GFOD2: variants seen among roughly 807,000 people sequenced by gnomAD.
GFOD2 encodes the protein Gfo/Idh/MocA-like oxidoreductase domain containing 2, also known as glucose-fructose oxidoreductase domain-containing protein 2.
Under a neutral mutation model 24.6 loss-of-function variants are expected in GFOD2, and 9 were observed. The ratio of observed to expected loss-of-function variants is 0.37; its 90% CI spans 0.22 to 0.64. GFOD2 has a LOEUF of 0.64. Among genes scored for constraint, GFOD2 ranks in the 30% least tolerant of loss-of-function variants. The pLI is 0.65. For synonymous variants in GFOD2, 211 were observed against 224.8 expected (o/e 0.94, Z 0.55); for missense variants, 476 against 532.5 (o/e 0.89, Z 1.04).
chr16:67,701,019 A>C (rs978540709), intron 1 of GFOD2, among the ~76,000 whole-genome samples: 2 of 150,164 alleles, frequency 1.3e-5, no homozygotes, highest in Non-Finnish European at 3.0e-5. Context: ...CCTGGGTGAC[A>C]GAGTGAGACT....
intron 2 of GFOD2, chr16:67,676,309 T>G (rs546099137): frequency 1.2e-4 from 55 of 456,826 alleles, no homozygotes; most frequent in Admixed American, 9.4e-4. Flanking sequence ...AAATTTTTTT[T>G]TTGTAGAGAT....
In GFOD2 at chr16:67,705,940, TA is replaced by T. The variant is rs1290789511; in HGVS notation, c.-88+13222del. Among the ~76,000 whole-genome samples the T allele has an allele frequency of 3.4e-3, 471 of 137,564 alleles. 3 individuals carry two copies. The highest frequency in any genetic ancestry group is 9.8e-3 in the African/African-American group (370 of 37,934). The allele number at this position is 137,564 out of a possible 152,430, so 90.2% of individuals were successfully genotyped here. ...GGGCAACAGAGTGAAACTCTATCTT[TA>T]AAAAAAAAAAAGTGCCTGTTATGGT... On this transcript the variant is annotated intron_variant, in intron 1 of 2. Transcript: ENST00000268797.
chr16:67,675,328 G>T lies in GFOD2; in HGVS notation c.985C>A (p.Arg329Ser), dbSNP rs757119145. 3 of 1,613,186 alleles carry T rather than the reference G, an allele frequency of 1.9e-6. No homozygotes were observed. ...QGQGDRRTWD[R>S]TPVSMAASFE... ...GAGGCGGCCATGGAGACAGGGGTGC[G>T]GTCCCAGGTGCGGCGGTCGCCCTGC... The change falls in exon 3 of 3, where the codon CGC (arginine) becomes AGC (serine). Residue 329 changes from arginine (R) to serine (S), a missense_variant. Arg to Ser is a moderately radical substitution (Grantham distance 110). Coordinates refer to ENST00000268797, the MANE Select transcript of GFOD2 (RefSeq NM_030819.4).
At chr16:67,712,349 G>A (rs1257490216) in intron 1 of GFOD2, among the ~76,000 whole-genome samples, 1 of 122,202 alleles carries the variant, frequency 8.2e-6, no homozygotes, top group Non-Finnish European at 1.7e-5. Context: ...AAGGCTGGAC[G>A]GTACTGCTGC....
chr16:67,715,848 A>C (rs1180461470), intron 1 of GFOD2, among the ~76,000 whole-genome samples: 1 of 151,892 alleles, frequency 6.6e-6, no homozygotes, highest in Non-Finnish European at 1.5e-5. Flanking sequence ...AAAAAAAAAA[A>C]ACTTGTTTTA....
intron 1 of GFOD2, among the ~76,000 whole-genome samples, chr16:67,695,803 T>A (rs1400403592): frequency 6.6e-6 from 1 of 152,156 alleles, no homozygotes; most frequent in Non-Finnish European, 1.5e-5. Flanking sequence ...CCCAAAGTGC[T>A]AAGATTACAG....
intron 1 of GFOD2, among the ~76,000 whole-genome samples, chr16:67,699,981 G>A (rs909798731): frequency 1.1e-4 from 16 of 152,060 alleles, no homozygotes; most frequent in Non-Finnish European, 2.2e-4. Context: ...AGGCTCAGGA[G>A]GGAGGAACAC....
intron 2 of GFOD2, among the ~76,000 whole-genome samples, chr16:67,678,532 G>C (rs568001965): frequency 6.6e-6 from 1 of 152,004 alleles, no homozygotes; most frequent in African/African-American, 2.4e-5. Context: ...CCACATGATG[G>C]ATGGGCCCCA....
Position 67,675,646 on chromosome 16 carries a change from A to G in GFOD2, c.667T>C (p.Cys223Arg). ...CCACCCATGAGCATCTGGAAGAAAC[A>G]GAAGTCATCGCTAGTGACGTGCCGG... ...GIRHVTSDDF[C>R]FFQMLMGGGV... Residue 223 changes from cysteine to arginine, a missense_variant, in exon 3 of 3, where the codon TGT (cysteine) becomes CGT (arginine). Transcript: ENST00000268797. 6.2e-7 allele frequency: 1 copy of G among 1,613,368 alleles called. No homozygotes were observed. Among genetic ancestry groups the G allele is most frequent in the African/African-American group, 1.3e-5 (1 of 75,070 alleles).
chr16:67,679,900 C>A (rs987467904), intron 2 of GFOD2, among the ~76,000 whole-genome samples: 34 of 149,198 alleles, frequency 2.3e-4, no homozygotes, highest in Middle Eastern at 3.5e-3. Flanking sequence ...AAAAAAAAAA[C>A]AACAACAACA....
intron 1 of GFOD2, among the ~76,000 whole-genome samples, chr16:67,714,219 A>G (rs1005373740): frequency 3.4e-5 from 5 of 148,562 alleles, no homozygotes; most frequent in Non-Finnish European, 5.9e-5. Flanking sequence ...GTCACTCCCA[A>G]CTGTAATCCC....
intron 1 of GFOD2, among the ~76,000 whole-genome samples, chr16:67,698,988 T>C (rs1388281431): frequency 6.6e-6 from 1 of 152,118 alleles, no homozygotes; most frequent in South Asian, 2.1e-4. Flanking sequence ...AACTGAACTA[T>C]AGACCAATAC....
chr16:67,686,846 GA>G (rs2053270694), intron 1 of GFOD2, among the ~76,000 whole-genome samples: 2 of 149,318 alleles, frequency 1.3e-5, no homozygotes, highest in South Asian at 2.1e-4. Context: ...AAAAAAGAAA[GA>G]AAGAAAGAAA....
intron 2 of GFOD2, chr16:67,684,037 A>C (rs1276532605): frequency 3.1e-6 from 1 of 318,280 alleles, no homozygotes; most frequent in African/African-American, 2.3e-5. Context: ...AATGTCCAAA[A>C]TGACATCAGG....
intron 1 of GFOD2, among the ~76,000 whole-genome samples, chr16:67,700,893 C>T (rs574112177): frequency 2.1e-4 from 31 of 150,532 alleles, no homozygotes; most frequent in African/African-American, 7.3e-4. Context: ...AAAAATTAGC[C>T]AGGCATGGTG....
intron 1 of GFOD2, among the ~76,000 whole-genome samples, chr16:67,698,488 CT>C (rs2053374946): frequency 6.6e-6 from 1 of 151,224 alleles, no homozygotes; most frequent in African/African-American, 2.4e-5. Context: ...TTTTCTTTTT[CT>C]TTTTCTTTGA....
intron 2 of GFOD2, chr16:67,682,803 G>A (rs1017288438): frequency 2.0e-6 from 2 of 985,246 alleles, no homozygotes; most frequent in African/African-American, 3.5e-5. Flanking sequence ...TAACCAAGAT[G>A]TCATTCCTTA....
In GFOD2 at chr16:67,685,075, T is replaced by C. The variant is rs1017496557; in HGVS notation, c.259+382A>G. 17 of 1,193,520 alleles carry C rather than the reference T, an allele frequency of 1.4e-5. No homozygotes were observed. In the African/African-American group the frequency reaches 2.4e-4, roughly 17 times the overall value. 73.9% of individuals were successfully genotyped at this position (1,193,520 alleles called of 1,614,324 possible). On this transcript the variant is annotated intron_variant, in intron 2 of 2. Transcript: ENST00000268797. Reference sequence around the variant, plus strand: ...GTAGCCTTGCTACACAGCCTCTCCTTCCTGTGGTGCTGTGTGCCCCAGAAA... The same window carrying C: ...GTAGCCTTGCTACACAGCCTCTCCTCCCTGTGGTGCTGTGTGCCCCAGAAA...
chr16:67,719,014 AGTTGGAACAAGCCCCCTCCAACC>A (rs2053525854), intron 1 of GFOD2, 126 bp downstream of exon 1: 1 of 152,242 alleles, frequency 6.6e-6, no homozygotes, highest in Admixed American at 6.5e-5. Context: ...GCCTGCAGGC[AGTTGGAACAAGCCCCCTCCAACC>A]CCGGCTCTGC....
Sources: gnomAD v4.1 joint callset for allele counts (sites outside exome capture counted in the v4.1 genomes callset) on GRCh38, gnomAD v4.1.1 for gene constraint, MANE v1.5 for transcripts, NCBI Gene and HGNC (gene_info 2026-07-23, HGNC 2026-07-21) for gene names.